GRIN2B: variants seen among roughly 807,000 people sequenced by gnomAD.
The protein encoded by GRIN2B is glutamate receptor ionotropic, NMDA 2B.
In GRIN2B, 5 loss-of-function variants were observed where a neutral mutation model predicts 114.5. The ratio of observed to expected loss-of-function variants is 0.04; its 90% confidence interval spans 0.02 to 0.09. The LOEUF is 0.09. GRIN2B is among the 10% of genes least tolerant of loss of function. The pLI is 1.00. For missense variants in GRIN2B, 1,108 were observed against 1,943.5 expected (o/e 0.57, Z 8.08); for synonymous variants, 787 against 745.1 (o/e 1.06, Z -0.92).
intron 3 of GRIN2B, among the ~76,000 whole-genome samples, chr12:13,864,627 AAATAACTG>A (rs1342661550): frequency 6.6e-6 from 1 of 152,238 alleles, no homozygotes; most frequent in Non-Finnish European, 1.5e-5. Context: ...AAAGCAAGGA[AAATAACTG>A]AATAACTGAT....
At position 13,769,661 on chromosome 12, in the gene GRIN2B, A is replaced by T. The variant is rs556792471; in HGVS notation, c.412-15746T>A. On this transcript the variant is annotated intron_variant, in intron 3 of 13. Coordinates refer to ENST00000609686, the MANE Select transcript of GRIN2B (RefSeq NM_000834.5). ...TGCTTGGAGATTAAATACTGTTTGC[A>T]TCAGCAAGCTGAGTAATAGATGCTA... is the stretch of plus-strand genomic sequence containing the variant. Among the ~76,000 whole-genome samples, 89 of 152,380 alleles carry T rather than the reference A, an allele frequency of 5.8e-4. No homozygotes were observed. The South Asian group carries it at 7.0e-3, about 12-fold the overall frequency.
chr12:13,562,719 A>G lies in GRIN2B; in HGVS notation c.*64T>C, dbSNP rs945611220. 11 of 1,277,288 alleles carry G rather than the reference A, an allele frequency of 8.6e-6. No individual in the cohort carries two copies. Among genetic ancestry groups the G allele is most frequent in the Non-Finnish European group, 3.4e-6 (3 of 873,108 alleles). The allele number at this position is 1,277,288 out of a possible 1,614,324, so 79.1% of individuals were successfully genotyped here. ...GTTCACCCCCGTCACCCTCCGTGACATGCGCATCACGCGACCCACAGCCTT... is the reference window on the plus strand; with the variant it reads ...GTTCACCCCCGTCACCCTCCGTGACGTGCGCATCACGCGACCCACAGCCTT... On this transcript the variant is annotated 3_prime_UTR_variant, in exon 14 of 14. Transcript: ENST00000609686.
intron 2 of GRIN2B, among the ~76,000 whole-genome samples, chr12:13,923,132 C>A (rs1165964456): frequency 6.6e-6 from 1 of 151,608 alleles, no homozygotes; most frequent in Non-Finnish European, 1.5e-5. Context: ...ATATGAGCTG[C>A]AAAAAAGGCC....
At chr12:13,784,827 C>A (rs1276479533) in intron 3 of GRIN2B, among the ~76,000 whole-genome samples, 1 of 152,172 alleles carries the variant, frequency 6.6e-6, no homozygotes, top group Non-Finnish European at 1.5e-5. Context: ...ATGGGGCAAC[C>A]CAAGCAGGAT....
intron 4 of GRIN2B, among the ~76,000 whole-genome samples, chr12:13,702,074 T>C (rs1238039299): frequency 2.0e-5 from 3 of 152,206 alleles, no homozygotes; most frequent in African/African-American, 7.2e-5. Context: ...ATCACATTAA[T>C]TAAGATTTGT....
intron 5 of GRIN2B, among the ~76,000 whole-genome samples, chr12:13,659,632 T>TA (rs1335905506): frequency 1.6e-4 from 24 of 151,132 alleles, no homozygotes; most frequent in South Asian, 1.3e-3. Context: ...ACAATTTTTT[T>TA]AAAAAAAAAC....
intron 5 of GRIN2B, among the ~76,000 whole-genome samples, chr12:13,641,093 A>ATTT (rs955569385): frequency 3.3e-5 from 5 of 151,442 alleles, no homozygotes; most frequent in Non-Finnish European, 7.4e-5. Context: ...TATTATTATT[A>ATTT]TTATTAGATG....
chr12:13,937,099 G>T (rs990686941), intron 2 of GRIN2B, among the ~76,000 whole-genome samples: 1 of 132,730 alleles, frequency 7.5e-6, no homozygotes, highest in Admixed American at 8.8e-5. Context: ...AAAAAAAAGG[G>T]GGGGGGGAAG....
rs1309155006 is a variant in GRIN2B at position 13,541,659 on chromosome 12, A to C, written c.*21124T>G. 1.3e-5 allele frequency: 2 copies of C among 152,182 alleles called. No individual in the cohort carries two copies. Among genetic ancestry groups the C allele is most frequent in the Non-Finnish European group, 2.9e-5 (2 of 68,054 alleles). The allele number at this position is 152,182 out of a possible 1,614,324, so 9.4% of individuals were successfully genotyped here. On this transcript the variant is annotated 3_prime_UTR_variant, in exon 14 of 14. Coordinates refer to ENST00000609686, the MANE Select transcript of GRIN2B (RefSeq NM_000834.5). ...ACATAATTTAATCTTTTGGGGGAAAACGGCTGGCAGGATATGACCATGCTG... is the reference window on the plus strand; with the variant it reads ...ACATAATTTAATCTTTTGGGGGAAACCGGCTGGCAGGATATGACCATGCTG...
At chr12:13,811,783 A>G (rs1026392201) in intron 3 of GRIN2B, among the ~76,000 whole-genome samples, 5 of 152,168 alleles carry the variant, frequency 3.3e-5, no homozygotes, top group Admixed American at 6.5e-5. Context: ...CTGACTGGAG[A>G]GTGGAGAGTG....
chr12:13,797,140 G>A (rs11055623), intron 3 of GRIN2B, among the ~76,000 whole-genome samples: 1 of 152,176 alleles, frequency 6.6e-6, no homozygotes, highest in South Asian at 2.1e-4. Context: ...TGGAGGCTTG[G>A]AAGTCCAAGA....
chr12:13,774,071 C>A (rs1863956533), intron 3 of GRIN2B, among the ~76,000 whole-genome samples: 1 of 152,160 alleles, frequency 6.6e-6, no homozygotes, highest in African/African-American at 2.4e-5. Context: ...CCTGAGTAAA[C>A]TCCTAGTGCT....
chr12:13,922,434 G>C (rs1184072779), intron 2 of GRIN2B, among the ~76,000 whole-genome samples: 3 of 152,152 alleles, frequency 2.0e-5, no homozygotes, highest in Non-Finnish European at 4.4e-5. Flanking sequence ...GATTAGTAGA[G>C]AGGAGCACAC....
At chr12:13,909,467 G>A (rs1866596492) in intron 2 of GRIN2B, among the ~76,000 whole-genome samples, 1 of 152,206 alleles carries the variant, frequency 6.6e-6, no homozygotes, top group Admixed American at 6.5e-5. Flanking sequence ...GGGAGGGCAG[G>A]AAATAATGAG....
intron 5 of GRIN2B, among the ~76,000 whole-genome samples, chr12:13,642,787 A>C (rs1287066605): frequency 7.9e-5 from 12 of 152,178 alleles, no homozygotes. Context: ...GATATTTCAG[A>C]ATTCTCACTT....
intron 4 of GRIN2B, among the ~76,000 whole-genome samples, chr12:13,717,866 C>T (rs1950471003): frequency 6.6e-6 from 1 of 151,916 alleles, no homozygotes; most frequent in Admixed American, 6.6e-5. Context: ...AGGTGGCTTC[C>T]CTTATAGCCA....
At chr12:13,595,060 T>C (rs369111947) in intron 10 of GRIN2B, among the ~76,000 whole-genome samples, 2 of 152,184 alleles carry the variant, frequency 1.3e-5, no homozygotes, top group African/African-American at 4.8e-5. Flanking sequence ...GAGGTGAGAT[T>C]GAAATTCCAA....
chr12:13,602,369 A>G (rs1425409371), intron 10 of GRIN2B, among the ~76,000 whole-genome samples: 1 of 152,142 alleles, frequency 6.6e-6, no homozygotes, highest in Non-Finnish European at 1.5e-5. Context: ...TACTTTCTCA[A>G]TTAAGTTATT....
At chr12:13,746,398 C>G (rs1209852433) in intron 4 of GRIN2B, among the ~76,000 whole-genome samples, 1 of 152,142 alleles carries the variant, frequency 6.6e-6, no homozygotes, top group Non-Finnish European at 1.5e-5. Flanking sequence ...CAGAATGAGG[C>G]TTGTCTGCTT....
Sources: allele counts gnomAD v4.1 joint callset (sites outside exome capture counted in the v4.1 genomes callset), GRCh38; gene constraint gnomAD v4.1.1; transcripts MANE v1.5; gene names NCBI Gene and HGNC (gene_info 2026-07-23, HGNC 2026-07-21).